The following CEP43 variants were observed in gnomAD, a reference collection of about 807,000 sequenced individuals.
The protein encoded by CEP43 is centrosomal protein 43, also known as FGFR1 oncogene partner.
In CEP43, 36 loss-of-function variants were observed where a neutral mutation model predicts 52.6. The ratio of observed to expected loss-of-function variants is 0.68; its 90% CI spans 0.52 to 0.90. The LOEUF is 0.90. Ranked by LOEUF, CEP43 falls within the 40% of genes least tolerant of loss-of-function variation. CEP43 has a pLI of 0.00. For synonymous variants in CEP43, 192 were observed against 172.4 expected (o/e 1.11, Z -0.89); for missense variants, 506 against 472.8 (o/e 1.07, Z -0.65).
chr6:167,004,417 T>C lies in CEP43; in HGVS notation c.438+16T>C, dbSNP rs1779805915. On this transcript the variant is annotated intron_variant, in intron 5 of 12. Transcript: ENST00000366847. The stretch of plus-strand genomic sequence containing the variant: ...CACTGGGGAAGTAAGTAGAATTCTG[T>C]GTTATCTTTTTCTATTTTAATTATT... The C allele has an allele frequency of 6.4e-7, 1 of 1,566,848 alleles. No individual in the cohort carries two copies. The highest frequency in any genetic ancestry group is 2.0e-5 in the Admixed American group (1 of 50,940).
intron 1 of CEP43, chr6:166,999,777 G>C (rs1452906472): frequency 1.9e-6 from 1 of 526,080 alleles, no homozygotes; most frequent in African/African-American, 2.0e-5. Flanking sequence ...GGGACCGCGG[G>C]GCTTGGGGGC....
chr6:167,006,215 G>A (rs527965033), intron 5 of CEP43, among the ~76,000 whole-genome samples: 13 of 152,286 alleles, frequency 8.5e-5, no homozygotes, highest in African/African-American at 2.4e-4. Flanking sequence ...AATTAACTGC[G>A]AATTGAAAAT....
chr6:167,023,234 T>C (rs148991825), intron 8 of CEP43, among the ~76,000 whole-genome samples: 215 of 152,266 alleles, frequency 1.4e-3, no homozygotes, highest in African/African-American at 4.8e-3. Context: ...GGACGGCTTT[T>C]CTTTGAGACT....
chr6:167,033,999 T>A, intron 12 of CEP43, 28 bp downstream of exon 12: 1 of 1,134,788 alleles, frequency 8.8e-7, no homozygotes, highest in Non-Finnish European at 1.3e-6. Context: ...TCCCATAGAG[T>A]GCTTTTTTTT....
rs749308236 is a variant in CEP43, at chr6:167,003,236, A to C, written c.200A>C (p.Asn67Thr). 6 of 1,499,844 alleles carry C rather than the reference A, an allele frequency of 4.0e-6. No homozygotes were observed. The Admixed American group carries it at 1.2e-4, about 30-fold the overall frequency. 92.9% of individuals were successfully genotyped at this position (1,499,844 alleles called of 1,614,324 possible). A position where few individuals can be genotyped will look rare whatever the true frequency, so the allele number is the denominator to read the frequency against. Residue 67 changes from asparagine (N) to threonine (T), a missense_variant, in exon 3 of 13, where the codon AAT (asparagine) becomes ACT (threonine). Transcript: ENST00000366847. ...LVNESLKKFL[N>T]TKDGRLVASL... ...AATGAGAGCCTGAAAAAGTTTTTAAATACCAAAGACGGTAAGATGTTCAGT... is the reference window on the plus strand; with the variant it reads ...AATGAGAGCCTGAAAAAGTTTTTAACTACCAAAGACGGTAAGATGTTCAGT...
chr6:167,033,625 C>G lies in CEP43; in HGVS notation c.1029-250C>G, dbSNP rs149454852. ...AAATTGTAAAAATCTGGGTTTGTTT[C>G]TTTCTTGCTATTGTGACCAAAGTCA... On this transcript the variant is annotated intron_variant, in intron 11 of 12. Transcript: ENST00000366847. Among the ~76,000 whole-genome samples, 5 of 152,102 alleles carry G rather than the reference C, an allele frequency of 3.3e-5. No homozygotes were observed. The East Asian group carries it at 9.7e-4, about 29-fold the overall frequency.
At chr6:167,017,002 T>A (rs183031177) in intron 7 of CEP43, among the ~76,000 whole-genome samples, 3,712 of 150,548 alleles carry the variant, frequency 0.025, 72 homozygotes, top group East Asian at 0.092. Flanking sequence ...TTTTTTTTTT[T>A]TTTATTTTTT....
rs760571374 is a variant in CEP43 at position 167,013,559 on chromosome 6, G to C, written c.571G>C (p.Gly191Arg). The C allele has an allele frequency of 6.2e-7, 1 of 1,613,724 alleles. No individual in the cohort carries two copies. The highest frequency in any genetic ancestry group is 1.1e-5 in the South Asian group (1 of 91,058). Reference sequence around the variant, plus strand: ...GAAGAAGACAAGCGGGCAGAAGGCTGGTGACAAGGTAACATGCATGAGGGC... The same window carrying C: ...GAAGAAGACAAGCGGGCAGAAGGCTCGTGACAAGGTAACATGCATGAGGGC... ...GKKKTSGQKA[G>R]DKKANDEANQ... Residue 191 changes from glycine to arginine, a missense_variant, in exon 7 of 13, where the codon GGT (glycine) becomes CGT (arginine). Physicochemically the swap from Gly to Arg is moderately radical, Grantham distance 125. Coordinates refer to ENST00000366847, the MANE Select transcript of CEP43 (RefSeq NM_007045.4).
At chr6:167,024,982 G>T in intron 9 of CEP43, 88 bp downstream of exon 9, 1 of 740,796 alleles carries the variant, frequency 1.3e-6, no homozygotes, top group Non-Finnish European at 2.3e-6. Context: ...TTTTTTCCCA[G>T]GAAAATCACT....
Position 167,004,395 on chromosome 6 carries a change from T to G in CEP43, c.432T>G (p.Thr144=). The change falls in exon 5 of 13, where the codon ACT becomes ACG. Residue 144 remains threonine, a synonymous_variant. Transcript: ENST00000366847. ...RCQQKEKGPT[T]GEGALDLSDV... ...AACAGAAAGAAAAAGGGCCAACCACTGGGGAAGTAAGTAGAATTCTGTGTT... is the reference window on the plus strand; with the variant it reads ...AACAGAAAGAAAAAGGGCCAACCACGGGGGAAGTAAGTAGAATTCTGTGTT... 6.3e-7 allele frequency: 1 copy of G among 1,588,218 alleles called. No individual in the cohort carries two copies. Among genetic ancestry groups the G allele is most frequent in the South Asian group, 1.2e-5 (1 of 85,610 alleles).
chr6:167,017,499 C>T lies in CEP43; in HGVS notation c.579+3932C>T, dbSNP rs77416151. 5.2e-3 allele frequency among the ~76,000 whole-genome samples: 795 copies of T among 151,934 alleles called. 4 individuals are homozygous for T. The highest frequency in any genetic ancestry group is 0.014 in the Middle Eastern group (4 of 292). On this transcript the variant is annotated intron_variant, in intron 7 of 12. Transcript: ENST00000366847. ...AGGTGTCCTGGGTACTGAGGGACAACTGTATTGCATGAATTTTTTGAATAC... is the reference window on the plus strand; with the variant it reads ...AGGTGTCCTGGGTACTGAGGGACAATTGTATTGCATGAATTTTTTGAATAC...
chr6:167,002,419 T>C (rs1333437434), intron 2 of CEP43, among the ~76,000 whole-genome samples: 1 of 152,232 alleles, frequency 6.6e-6, no homozygotes, highest in African/African-American at 2.4e-5. Context: ...GTATTACAAA[T>C]AAGGTTTCTG....
chr6:167,040,148 A>G lies in CEP43; in HGVS notation c.*170A>G, dbSNP rs774601651. On this transcript the variant is annotated 3_prime_UTR_variant, in exon 13 of 13. Coordinates refer to ENST00000366847, the MANE Select transcript of CEP43 (RefSeq NM_007045.4). Reference sequence around the variant, plus strand: ...TAATTTTCATTTTACTAAACAAAATACTTCCTATTTGAGCCCATGTGTGGA... The same window carrying G: ...TAATTTTCATTTTACTAAACAAAATGCTTCCTATTTGAGCCCATGTGTGGA... 5.8e-5 allele frequency: 89 copies of G among 1,542,392 alleles called. No homozygotes were observed. The highest frequency in any genetic ancestry group is 1.5e-5 in the Non-Finnish European group (17 of 1,146,292).
intron 5 of CEP43, among the ~76,000 whole-genome samples, chr6:167,005,577 CAG>C (rs892998692): frequency 1.3e-5 from 2 of 152,230 alleles, no homozygotes; most frequent in Non-Finnish European, 2.9e-5. Flanking sequence ...AGAGCATAGC[CAG>C]ATCCCAGGCT....
At chr6:167,038,466 G>A (rs929190328) in intron 12 of CEP43, among the ~76,000 whole-genome samples, 67 of 152,312 alleles carry the variant, frequency 4.4e-4, no homozygotes, top group East Asian at 1.3e-3. Flanking sequence ...GAAATTTAAC[G>A]TGGGTAAATT....
At chr6:167,008,250 A>G (rs1779899394) in intron 5 of CEP43, among the ~76,000 whole-genome samples, 1 of 150,124 alleles carries the variant, frequency 6.7e-6, no homozygotes, top group South Asian at 2.1e-4. Flanking sequence ...TTGGAATTAT[A>G]CTCTTTCCCC....
Position 167,013,566 on chromosome 6 carries a change from A to G in CEP43, c.578A>G (p.Lys193Arg). 1 of 1,613,664 alleles carries G rather than the reference A, an allele frequency of 6.2e-7. No individual in the cohort carries two copies. The highest frequency in any genetic ancestry group is 8.5e-7 in the Non-Finnish European group (1 of 1,179,638). Reference protein sequence around the residue: ...KKTSGQKAGDKKANDEANQSD... With the variant: ...KKTSGQKAGDRKANDEANQSD... ...ACAAGCGGGCAGAAGGCTGGTGACA[A>G]GGTAACATGCATGAGGGCAGAGGAG... Residue 193 changes from lysine (K) to arginine (R), a missense_variant and splice_region_variant, in exon 7 of 13, where the codon AAG (lysine) becomes AGG (arginine). Coordinates refer to ENST00000366847, the MANE Select transcript of CEP43 (RefSeq NM_007045.4).
chr6:167,027,681 G>A (rs376345843), intron 10 of CEP43, among the ~76,000 whole-genome samples: 9 of 152,290 alleles, frequency 5.9e-5, no homozygotes, highest in Middle Eastern at 3.4e-3. Context: ...GATGGGTAGC[G>A]TAGGGAGATA....
At chr6:167,034,495 C>A (rs1206285829) in intron 12 of CEP43, among the ~76,000 whole-genome samples, 1 of 152,154 alleles carries the variant, frequency 6.6e-6, no homozygotes, top group Non-Finnish European at 1.5e-5. Context: ...AACAGAAGAT[C>A]CTTCGATGGT....
Sources: gnomAD v4.1 joint callset for allele counts (sites outside exome capture counted in the v4.1 genomes callset) on GRCh38, gnomAD v4.1.1 for gene constraint, MANE v1.5 for transcripts, NCBI Gene and HGNC (gene_info 2026-07-23, HGNC 2026-07-21) for gene names.